The following FAM185A variants were observed in gnomAD, a reference collection of about 807,000 sequenced individuals.
FAM185A encodes family with sequence similarity 185 member A, also known as protein FAM185A.
FAM185A carries 21 observed loss-of-function variants against 45.7 expected under a neutral mutation model. The observed-to-expected ratio is 0.46, with a 90% CI of 0.33 to 0.66. The LOEUF is 0.66. FAM185A is among the 30% of genes least tolerant of loss of function. The pLI is 0.03. For synonymous variants in FAM185A, 117 were observed against 194.0 expected (o/e 0.60, Z 3.30); for missense variants, 305 against 485.4 (o/e 0.63, Z 3.49).
chr7:102,843,740 C>T, the FAM185A span, among the ~76,000 whole-genome samples: 4 of 152,138 alleles, frequency 2.6e-5, no homozygotes, highest in African/African-American at 4.8e-5. Context: ...CGCGCCACTG[C>T]ACTCCAGCCT....
At chr7:102,773,301 A>G (rs903543833) in intron 5 of FAM185A, among the ~76,000 whole-genome samples, 13 of 151,546 alleles carry the variant, frequency 8.6e-5, no homozygotes, top group Non-Finnish European at 1.9e-4. Flanking sequence ...AGACAGGGTA[A>G]GAGTTCAGAC....
chr7:102,803,243 G>A (rs77276091), intron 7 of FAM185A, among the ~76,000 whole-genome samples: 2 of 152,206 alleles, frequency 1.3e-5, no homozygotes, highest in African/African-American at 2.4e-5. Context: ...GAAAACTACA[G>A]GCTGATATCC....
the FAM185A span, among the ~76,000 whole-genome samples, chr7:102,818,678 A>AT: frequency 6.6e-6 from 1 of 152,190 alleles, no homozygotes; most frequent in Non-Finnish European, 1.5e-5. Flanking sequence ...TCATACTGTG[A>AT]TTTGGGGCTC....
At chr7:102,807,052 C>T (rs11984324) in intron 7 of FAM185A, among the ~76,000 whole-genome samples, 207 of 152,238 alleles carry the variant, frequency 1.4e-3, no homozygotes, top group Non-Finnish European at 9.4e-4. Context: ...AAAATAATTA[C>T]GCTGAATGAA....
At chr7:102,776,105 C>CACACACACACACATATACACACACAT (rs1194558270) in intron 5 of FAM185A, among the ~76,000 whole-genome samples, 11 of 120,524 alleles carry the variant, frequency 9.1e-5, no homozygotes, top group African/African-American at 4.6e-4. Flanking sequence ...CCTATACACA[C>CACACACACACACATATACACACACAT]ACACACACAC....
chr7:102,846,487 C>T, the FAM185A span, among the ~76,000 whole-genome samples: 1 of 151,950 alleles, frequency 6.6e-6, no homozygotes, highest in South Asian at 2.1e-4. Flanking sequence ...AGGATGATGG[C>T]ACATGCCTGT....
chr7:102,820,310 G>A, the FAM185A span, among the ~76,000 whole-genome samples: 1 of 152,208 alleles, frequency 6.6e-6, no homozygotes, highest in African/African-American at 2.4e-5. Context: ...CATAGGGACA[G>A]CCAAGTTTGA....
At chr7:102,826,755 A>G in the FAM185A span, among the ~76,000 whole-genome samples, 26,578 of 114,704 alleles carry the variant, frequency 0.23, 4,880 homozygotes, top group East Asian at 0.58. Context: ...ATATATATAT[A>G]TATATATATA....
chr7:102,808,687 G>C lies in FAM185A; in HGVS notation c.*285G>C, dbSNP rs114364246. The C allele has an allele frequency of 0.011, 3,352 of 299,730 alleles. 98 individuals are homozygous for C. Among genetic ancestry groups the C allele is most frequent in the African/African-American group, 0.068 (3,141 of 46,394 alleles). The allele number at this position is 299,730 out of a possible 1,614,324, so 18.6% of individuals were successfully genotyped here. On this transcript the variant is annotated 3_prime_UTR_variant, in exon 8 of 8. Coordinates refer to ENST00000413034, the MANE Select transcript of FAM185A (RefSeq NM_001145268.2). ...TCACAAGGCTAGAAATCAAGATTTT[G>C]GCCAGGCTGAGTTCTCATCTGGAGT...
At chr7:102,815,266 A>T in the FAM185A span, among the ~76,000 whole-genome samples, 6 of 152,304 alleles carry the variant, frequency 3.9e-5, no homozygotes, top group African/African-American at 1.4e-4. Context: ...TTTCTATTAC[A>T]TAGCTTCAGG....
intron 7 of FAM185A, among the ~76,000 whole-genome samples, chr7:102,792,465 C>T (rs977511402): frequency 4.9e-5 from 5 of 101,992 alleles, no homozygotes; most frequent in African/African-American, 2.1e-4. Context: ...TAAGATGCTT[C>T]TAATAAGTTG....
chr7:102,827,235 G>A, the FAM185A span: 2 of 432,302 alleles, frequency 4.6e-6, no homozygotes, highest in South Asian at 1.6e-5. Flanking sequence ...CATGAAGCAG[G>A]AGGAAGCTGT....
intron 7 of FAM185A, among the ~76,000 whole-genome samples, chr7:102,802,620 T>C (rs754782708): frequency 6.6e-6 from 1 of 152,008 alleles, no homozygotes; most frequent in Non-Finnish European, 1.5e-5. Flanking sequence ...ACTGACATTC[T>C]AAGGTCACAC....
chr7:102,795,608 G>A (rs1252204002), intron 7 of FAM185A, among the ~76,000 whole-genome samples: 6 of 152,232 alleles, frequency 3.9e-5, no homozygotes, highest in Admixed American at 3.9e-4. Context: ...CAAGATGAGA[G>A]TCGATAAAGA....
chr7:102,749,375 G>T lies in FAM185A; in HGVS notation c.168G>T (p.Pro56=), dbSNP rs1367485763. 4 of 1,548,506 alleles carry T rather than the reference G, an allele frequency of 2.6e-6. No individual in the cohort carries two copies. Among genetic ancestry groups the T allele is most frequent in the Non-Finnish European group, 3.5e-6 (4 of 1,146,588 alleles). ...CCGGATCGGAGACTGAGGTCCCTCC[G>T]CCTGGCCCGGGGCGCCGAACTCTGA... ...RWPGSETEVP[P]PGPGRRTLKE... Residue 56 remains proline, a synonymous_variant, in exon 1 of 8, where the codon CCG becomes CCT. Coordinates refer to ENST00000413034, the MANE Select transcript of FAM185A (RefSeq NM_001145268.2).
chr7:102,808,356 G>A lies in FAM185A; in HGVS notation c.1133G>A (p.Ser378Asn). The stretch of plus-strand genomic sequence containing the variant: ...GCTGATGCCCCAAAAGGCACTGTAA[G>A]TTTTAGAAGGCAAAGTTGGTTTCAG... Reference protein sequence around the residue: ...IKADAPKGTVSFRRQSWFQSL... With the variant: ...IKADAPKGTVNFRRQSWFQSL... The change falls in exon 8 of 8, where the codon AGT (serine) becomes AAT (asparagine). Residue 378 changes from serine (S) to asparagine (N), a missense_variant. By Grantham distance (46) the Ser-to-Asn change is conservative. Around this residue, in one of 5 missense-constraint regions of FAM185A, gnomAD observed 66 missense variants for 74.6 expected, o/e 0.89. Coordinates refer to ENST00000413034, the MANE Select transcript of FAM185A (RefSeq NM_001145268.2). 6.4e-7 allele frequency: 1 copy of A among 1,551,694 alleles called. No homozygotes were observed. The highest frequency in any genetic ancestry group is 8.7e-7 in the Non-Finnish European group (1 of 1,146,964).
At chr7:102,826,769 A>ATATATATATATATATGTATG in the FAM185A span, among the ~76,000 whole-genome samples, 3 of 100,740 alleles carry the variant, frequency 3.0e-5, no homozygotes, top group African/African-American at 1.1e-4. Context: ...ATATATATAT[A>ATATATATATATATATGTATG]TATGTATATA....
At chr7:102,769,437 T>A (rs28758701) in intron 4 of FAM185A, among the ~76,000 whole-genome samples, 147,499 of 151,958 alleles carry the variant, frequency 0.97, 71,753 homozygotes, top group East Asian at 1. Context: ...ATTTTTATTT[T>A]AAAAAAAATT....
At chr7:102,849,898 G>A in the FAM185A span, among the ~76,000 whole-genome samples, 1 of 151,700 alleles carries the variant, frequency 6.6e-6, no homozygotes, top group South Asian at 2.1e-4. Flanking sequence ...GAGGGTGAGG[G>A]GAGGGAACTC....
Sources: gnomAD v4.1 joint callset for allele counts (sites outside exome capture counted in the v4.1 genomes callset) on GRCh38, gnomAD v4.1.1 for gene constraint, gnomAD v4.1.1 regional missense constraint, MANE v1.5 for transcripts, NCBI Gene and HGNC (gene_info 2026-07-23, HGNC 2026-07-21) for gene names.